ADRA2A: variants seen among roughly 807,000 people sequenced by gnomAD.
ADRA2A encodes the protein adrenoceptor alpha 2A, also known as alpha-2A adrenergic receptor.
A neutral mutation model predicts 5.9 loss-of-function variants in ADRA2A; 6 were observed. The observed-to-expected ratio is 1.01, with a 90% CI of 0.55 to 2.00. The LOEUF is 2.00. Ranked by LOEUF, ADRA2A falls within the 30% of genes most tolerant of loss-of-function variation. The probability of loss-of-function intolerance (pLI) is 0.00; values close to 1 mark genes in which losing one functional copy is unlikely to be tolerated. For synonymous variants in ADRA2A, 345 were observed against 325.9 expected (o/e 1.06, Z -0.63); for missense variants, 647 against 690.0 (o/e 0.94, Z 0.70).
chr10:111,078,811 G>A lies in ADRA2A; in HGVS notation c.815G>A (p.Arg272His), dbSNP rs1387578710. The change falls in exon 1 of 1, where the codon CGC becomes CAC. Residue 272 changes from arginine to histidine, a missense_variant. By Grantham distance (29) the Arg-to-His change is conservative. Around this residue, in one of 3 missense-constraint regions of ADRA2A, gnomAD observed 577 missense variants for 605.4 expected, o/e 0.95. Coordinates refer to ENST00000280155, the MANE Select transcript of ADRA2A (RefSeq NM_000681.4). ...ERRPNGLGPE[R>H]SAGPGGAEAE... ...AGGCCCAACGGTCTGGGCCCCGAGC[G>A]CAGCGCGGGCCCGGGGGGCGCAGAG... is the stretch of plus-strand genomic sequence containing the variant. 8 of 1,240,166 alleles carry A rather than the reference G, an allele frequency of 6.5e-6. No homozygotes were observed. In the South Asian group the frequency reaches 9.2e-5, roughly 14 times the overall value. The allele number at this position is 1,240,166 out of a possible 1,614,324, so 76.8% of individuals were successfully genotyped here.
rs767408029 is a variant in ADRA2A at position 111,079,198 on chromosome 10, G to C, written c.1202G>C (p.Cys401Ser). The change falls in exon 1 of 1, where the codon TGC (cysteine) becomes TCC (serine). Residue 401 changes from cysteine (C) to serine (S), a missense_variant. Transcript: ENST00000280155. ...LAVVIGVFVV[C>S]WFPFFFTYTL... The stretch of plus-strand genomic sequence containing the variant: ...GTGGTCATCGGAGTGTTCGTGGTGT[G>C]CTGGTTCCCCTTCTTCTTCACCTAC... 2 of 1,614,052 alleles carry C rather than the reference G, an allele frequency of 1.2e-6. No homozygotes were observed. Among genetic ancestry groups the C allele is most frequent in the Non-Finnish European group, 1.7e-6 (2 of 1,180,008 alleles).
chr10:111,079,089 G>A lies in ADRA2A; in HGVS notation c.1093G>A (p.Gly365Arg), dbSNP rs1403588144. 1 of 1,515,462 alleles carries A rather than the reference G, an allele frequency of 6.6e-7. No homozygotes were observed. Among genetic ancestry groups the A allele is most frequent in the Non-Finnish European group, 8.8e-7 (1 of 1,135,184 alleles). 93.9% of individuals were successfully genotyped at this position (1,515,462 alleles called of 1,614,324 possible). ...TGIGTPAAGP[G>R]EERVGAAKAS... The stretch of plus-strand genomic sequence containing the variant: ...GATCGGGACGCCGGCTGCAGGGCCG[G>A]GGGAGGAGCGCGTCGGGGCTGCCAA... Residue 365 changes from glycine to arginine, a missense_variant, in exon 1 of 1, where the codon GGG becomes AGG. Physicochemically the swap from Gly to Arg is moderately radical, Grantham distance 125 (BLOSUM62 -2). This residue lies in a region of ADRA2A where 577 missense variants were observed against 605.4 expected (regional missense o/e 0.95). Transcript: ENST00000280155.
At position 111,077,465 on chromosome 10, in the gene ADRA2A, G is replaced by C. The variant is rs1034003454; in HGVS notation, c.-532G>C. ...GGGGGAAGCCAGAGAGTCGGTAATC[G>C]CTTCGGGGATGTAAGGCGACAGACA... On this transcript the variant is annotated 5_prime_UTR_variant, in exon 1 of 1. Transcript: ENST00000280155. The C allele has an allele frequency of 1.3e-5, 2 of 152,086 alleles. No homozygotes were observed. Among genetic ancestry groups the C allele is most frequent in the African/African-American group, 4.8e-5 (2 of 41,390 alleles). The allele number at this position is 152,086 out of a possible 1,614,324, so 9.4% of individuals were successfully genotyped here.
chr10:111,079,380 A>G lies in ADRA2A; in HGVS notation c.1384A>G (p.Lys462Glu), dbSNP rs1474044554. ...FKKILCRGDRKRIV is the reference protein window; with the variant it reads ...FKKILCRGDRERIV Reference sequence around the variant, plus strand: ...GAAGATCCTCTGTCGGGGGGACAGGAAGCGGATCGTGTGAGGTTTCCGCTG... The same window carrying G: ...GAAGATCCTCTGTCGGGGGGACAGGGAGCGGATCGTGTGAGGTTTCCGCTG... Residue 462 changes from lysine (K) to glutamate (E), a missense_variant, in exon 1 of 1, where the codon AAG (lysine) becomes GAG (glutamate). Around this residue, in one of 3 missense-constraint regions of ADRA2A, gnomAD observed 62 missense variants for 59.8 expected, o/e 1.04. Coordinates refer to ENST00000280155, the MANE Select transcript of ADRA2A (RefSeq NM_000681.4). 2 of 1,613,910 alleles carry G rather than the reference A, an allele frequency of 1.2e-6. No individual in the cohort carries two copies. Among genetic ancestry groups the G allele is most frequent in the South Asian group, 1.1e-5 (1 of 91,088 alleles).
In ADRA2A at chr10:111,077,987, G is replaced by C. The variant is rs778081035; in HGVS notation, c.-10G>C. On this transcript the variant is annotated 5_prime_UTR_variant, in exon 1 of 1. Transcript: ENST00000280155. ...TGGCAGCAGGCCCAGGCCAGCGGGC[G>C]CCCGCGTTCATGTTCCGCCAGGAGC... 2 of 1,387,428 alleles carry C rather than the reference G, an allele frequency of 1.4e-6. No homozygotes were observed. The highest frequency in any genetic ancestry group is 3.3e-5 in the South Asian group (2 of 60,420). The allele number at this position is 1,387,428 out of a possible 1,614,324, so 85.9% of individuals were successfully genotyped here.
rs1480187607 is a variant in ADRA2A, at chr10:111,079,421, C to CA, written c.*28dup. 1 of 1,609,788 alleles carries CA rather than the reference C, an allele frequency of 6.2e-7. No homozygotes were observed. Among genetic ancestry groups the CA allele is most frequent in the African/African-American group, 1.3e-5 (1 of 74,872 alleles). Reference sequence around the variant, plus strand: ...GTTTCCGCTGGCGCCCGCGTAGACTCACGCTGACTGCAGGCAGCGGGGGGC... The same window carrying CA: ...GTTTCCGCTGGCGCCCGCGTAGACTCAACGCTGACTGCAGGCAGCGGGGGGC... On this transcript the variant is annotated 3_prime_UTR_variant, in exon 1 of 1. Transcript: ENST00000280155.
At position 111,078,000 on chromosome 10, in the gene ADRA2A, T is replaced by C; in HGVS notation, c.4T>C (p.Phe2Leu). ...AGGCCAGCGGGCGCCCGCGTTCATG[T>C]TCCGCCAGGAGCAGCCGTTGGCCGA... MFRQEQPLAEGS... is the reference protein window; with the variant it reads MLRQEQPLAEGS... The change falls in exon 1 of 1, where the codon TTC (phenylalanine) becomes CTC (leucine). Residue 2 changes from phenylalanine (F) to leucine (L), a missense_variant. Physicochemically the swap from Phe to Leu is conservative, Grantham distance 22 (BLOSUM62 0). Around this residue, in one of 3 missense-constraint regions of ADRA2A, gnomAD observed 577 missense variants for 605.4 expected, o/e 0.95. Coordinates refer to ENST00000280155, the MANE Select transcript of ADRA2A (RefSeq NM_000681.4). The C allele has an allele frequency of 7.1e-7, 1 of 1,403,292 alleles. No homozygotes were observed. The highest frequency in any genetic ancestry group is 9.2e-7 in the Non-Finnish European group (1 of 1,086,010). The allele number at this position is 1,403,292 out of a possible 1,614,324, so 86.9% of individuals were successfully genotyped here. A position where few individuals can be genotyped will look rare whatever the true frequency, so the allele number is the denominator to read the frequency against.
rs540202469 is a variant in ADRA2A at position 111,078,548 on chromosome 10, C to T, written c.552C>T (p.Leu184=). ...CGGCCGTCATCTCCTTCCCGCCGCT[C>T]ATCTCCATCGAGAAGAAGGGCGGCG... The part of the protein sequence containing the change: ...VISAVISFPP[L]ISIEKKGGGG... Residue 184 remains leucine, a synonymous_variant, in exon 1 of 1, where the codon CTC becomes CTT. Transcript: ENST00000280155. 1.2e-6 allele frequency: 2 copies of T among 1,610,224 alleles called. No homozygotes were observed. The highest frequency in any genetic ancestry group is 2.2e-5 in the East Asian group (1 of 44,652).
Position 111,078,182 on chromosome 10 carries a change from C to T in ADRA2A, c.186C>T (p.Thr62=). The T allele has an allele frequency of 6.2e-7, 1 of 1,612,264 alleles. No homozygotes were observed. The highest frequency in any genetic ancestry group is 8.5e-7 in the Non-Finnish European group (1 of 1,179,712). ...TGGCCGGCCTGCTCATGCTGCTCACCGTGTTCGGCAACGTGCTCGTCATCA... is the reference window on the plus strand; with the variant it reads ...TGGCCGGCCTGCTCATGCTGCTCACTGTGTTCGGCAACGTGCTCGTCATCA... The part of the protein sequence containing the change: ...VCLAGLLMLL[T]VFGNVLVIIA... The change falls in exon 1 of 1, where the codon ACC becomes ACT. Residue 62 remains threonine, a synonymous_variant. Coordinates refer to ENST00000280155, the MANE Select transcript of ADRA2A (RefSeq NM_000681.4).
Position 111,078,461 on chromosome 10 carries a change from G to C in ADRA2A, c.465G>C (p.Glu155Asp). 6.2e-7 allele frequency: 1 copy of C among 1,613,752 alleles called. No individual in the cohort carries two copies. The highest frequency in any genetic ancestry group is 8.5e-7 in the Non-Finnish European group (1 of 1,179,992). The change falls in exon 1 of 1, where the codon GAG (glutamate) becomes GAC (aspartate). Residue 155 changes from glutamate to aspartate, a missense_variant. Glu to Asp is a conservative substitution (Grantham distance 45). Around this residue, in one of 3 missense-constraint regions of ADRA2A, gnomAD observed 577 missense variants for 605.4 expected, o/e 0.95. Coordinates refer to ENST00000280155, the MANE Select transcript of ADRA2A (RefSeq NM_000681.4). Reference protein sequence around the residue: ...DRYWSITQAIEYNLKRTPRRI... With the variant: ...DRYWSITQAIDYNLKRTPRRI... ...ACTGGTCCATCACACAGGCCATCGA[G>C]TACAACCTGAAGCGCACGCCGCGCC...
At position 111,079,087 on chromosome 10, in the gene ADRA2A, CG is replaced by C; in HGVS notation, c.1096del (p.Glu366ArgfsTer71). ...ATGIGTPAAG[P>X]GEERVGAAKA... Reference sequence around the variant, plus strand: ...GGGATCGGGACGCCGGCTGCAGGGCCGGGGGAGGAGCGCGTCGGGGCTGCCA... The same window carrying C: ...GGGATCGGGACGCCGGCTGCAGGGCCGGGGAGGAGCGCGTCGGGGCTGCCA... On this transcript the variant is annotated frameshift_variant, in exon 1 of 1. Coordinates refer to ENST00000280155, the MANE Select transcript of ADRA2A (RefSeq NM_000681.4). LOFTEE classifies it high-confidence loss of function. 1.3e-6 allele frequency: 2 copies of C among 1,497,084 alleles called. No individual in the cohort carries two copies. The highest frequency in any genetic ancestry group is 2.1e-5 in the Admixed American group (1 of 47,802). 92.7% of individuals were successfully genotyped at this position (1,497,084 alleles called of 1,614,324 possible). A position where few individuals can be genotyped will look rare whatever the true frequency, so the allele number is the denominator to read the frequency against.
chr10:111,077,444 G>A lies in ADRA2A; in HGVS notation c.-553G>A, dbSNP rs910482080. On this transcript the variant is annotated 5_prime_UTR_variant, in exon 1 of 1. Coordinates refer to ENST00000280155, the MANE Select transcript of ADRA2A (RefSeq NM_000681.4). ...CGGGCCAGAACCGCAGCGTCTGGGG[G>A]AAGCCAGAGAGTCGGTAATCGCTTC... The A allele has an allele frequency of 6.6e-6, 1 of 152,154 alleles. No individual in the cohort carries two copies. The highest frequency in any genetic ancestry group is 6.5e-5 in the Admixed American group (1 of 15,286). The allele number at this position is 152,154 out of a possible 1,614,324, so 9.4% of individuals were successfully genotyped here.
rs1186878508 is a variant in ADRA2A, at chr10:111,080,046, G to A, written c.*652G>A. 18 of 167,044 alleles carry A rather than the reference G, an allele frequency of 1.1e-4. No individual in the cohort carries two copies. Among genetic ancestry groups the A allele is most frequent in the Non-Finnish European group, 1.0e-4 (7 of 68,122 alleles). The allele number at this position is 167,044 out of a possible 1,614,324, so 10.3% of individuals were successfully genotyped here. On this transcript the variant is annotated 3_prime_UTR_variant, in exon 1 of 1. Transcript: ENST00000280155. ...TGGTGTTATGAAGTCCCTCTATGTC[G>A]TCGTTTTCACCAGCAACTGGTGACT...
Position 111,078,209 on chromosome 10 carries a change from C to T in ADRA2A, c.213C>T (p.Ile71=), listed in dbSNP as rs1843554753. The stretch of plus-strand genomic sequence containing the variant: ...TGTTCGGCAACGTGCTCGTCATCAT[C>T]GCCGTGTTCACGAGCCGCGCGCTCA... ...LTVFGNVLVI[I]AVFTSRALKA... is the part of the protein sequence containing the mutation. The change falls in exon 1 of 1, where the codon ATC becomes ATT. Residue 71 remains isoleucine (I), a synonymous_variant. Coordinates refer to ENST00000280155, the MANE Select transcript of ADRA2A (RefSeq NM_000681.4). The T allele has an allele frequency of 2.5e-6, 4 of 1,613,220 alleles. No individual in the cohort carries two copies. The African/African-American group carries it at 4.0e-5, about 16-fold the overall frequency.
chr10:111,078,641 G>T lies in ADRA2A; in HGVS notation c.645G>T (p.Ser215=). The T allele has an allele frequency of 6.3e-7, 1 of 1,588,248 alleles. No homozygotes were observed. The highest frequency in any genetic ancestry group is 8.6e-7 in the Non-Finnish European group (1 of 1,166,464). ...ACCAGAAGTGGTACGTCATCTCGTC[G>T]TGCATCGGCTCCTTCTTCGCTCCCT... is the stretch of plus-strand genomic sequence containing the variant. ...INDQKWYVIS[S]CIGSFFAPCL... The change falls in exon 1 of 1, where the codon TCG becomes TCT. Residue 215 remains serine (S), a synonymous_variant. Transcript: ENST00000280155.
At position 111,077,596 on chromosome 10, in the gene ADRA2A, A is replaced by G. The variant is rs1437097885; in HGVS notation, c.-401A>G. 6.6e-6 allele frequency: 1 copy of G among 152,516 alleles called. No individual in the cohort carries two copies. The highest frequency in any genetic ancestry group is 2.4e-5 in the African/African-American group (1 of 41,494). The allele number at this position is 152,516 out of a possible 1,614,324, so 9.4% of individuals were successfully genotyped here. On this transcript the variant is annotated 5_prime_UTR_variant, in exon 1 of 1. Transcript: ENST00000280155. Reference sequence around the variant, plus strand: ...CTTTCGCTCAGGCTCAAGATTCAAGATACAGATATTGATATGTATATATAT... The same window carrying G: ...CTTTCGCTCAGGCTCAAGATTCAAGGTACAGATATTGATATGTATATATAT...
At position 111,079,536 on chromosome 10, in the gene ADRA2A, C is replaced by T; in HGVS notation, c.*142C>T. On this transcript the variant is annotated 3_prime_UTR_variant, in exon 1 of 1. Coordinates refer to ENST00000280155, the MANE Select transcript of ADRA2A (RefSeq NM_000681.4). ...TCTGGGGTGGCTCTGCAGCCTCCTG[C>T]GGGCGGGCGTCTGCTGCTCCTACAA... The T allele has an allele frequency of 2.3e-6, 2 of 868,124 alleles. No individual in the cohort carries two copies. The highest frequency in any genetic ancestry group is 1.7e-5 in the South Asian group (1 of 57,782). 53.8% of individuals were successfully genotyped at this position (868,124 alleles called of 1,614,324 possible).
Position 111,078,001 on chromosome 10 carries a change from T to A in ADRA2A, c.5T>A (p.Phe2Tyr), listed in dbSNP as rs1017263426. The stretch of plus-strand genomic sequence containing the variant: ...GGCCAGCGGGCGCCCGCGTTCATGT[T>A]CCGCCAGGAGCAGCCGTTGGCCGAG... Reference protein sequence around the residue: MFRQEQPLAEGS... With the variant: MYRQEQPLAEGS... Residue 2 changes from phenylalanine to tyrosine, a missense_variant, in exon 1 of 1, where the codon TTC becomes TAC. Physicochemically the swap from Phe to Tyr is conservative, Grantham distance 22. Coordinates refer to ENST00000280155, the MANE Select transcript of ADRA2A (RefSeq NM_000681.4). 3.1e-5 allele frequency: 43 copies of A among 1,404,282 alleles called. No homozygotes were observed. The highest frequency in any genetic ancestry group is 4.0e-5 in the Non-Finnish European group (43 of 1,086,618). The allele number at this position is 1,404,282 out of a possible 1,614,324, so 87.0% of individuals were successfully genotyped here. A position where few individuals can be genotyped will look rare whatever the true frequency, so the allele number is the denominator to read the frequency against.
Position 111,079,500 on chromosome 10 carries a change from G to T in ADRA2A, c.*106G>T. 10 of 1,278,958 alleles carry T rather than the reference G, an allele frequency of 7.8e-6. No individual in the cohort carries two copies. The highest frequency in any genetic ancestry group is 9.9e-6 in the Non-Finnish European group (9 of 907,160). 79.2% of individuals were successfully genotyped at this position (1,278,958 alleles called of 1,614,324 possible). ...CAGAAACCCGGGCGCTGCCTGCTCT[G>T]CGTTTCCTCGTCTGGGGTGGCTCTG... On this transcript the variant is annotated 3_prime_UTR_variant, in exon 1 of 1. Transcript: ENST00000280155.
Sources: gnomAD v4.1 joint callset for allele counts on GRCh38, gnomAD v4.1.1 for gene constraint, gnomAD v4.1.1 regional missense constraint, MANE v1.5 for transcripts, NCBI Gene and HGNC (gene_info 2026-07-23, HGNC 2026-07-21) for gene names.